Variants in FCRL2 observed in about 807,000 individuals in gnomAD.
FCRL2 encodes the protein Fc receptor-like protein 2.
In FCRL2, 48 loss-of-function variants were observed where a neutral mutation model predicts 59.8. The ratio of observed to expected loss-of-function variants is 0.80; its 90% CI spans 0.64 to 1.02. The LOEUF (loss-of-function observed/expected upper bound fraction) is 1.02, where lower values mean the gene tolerates loss of function less well. Among genes scored for constraint, FCRL2 ranks in the 50% least tolerant of loss-of-function variants. The pLI is 0.00. For synonymous variants in FCRL2, 251 were observed against 229.5 expected, an observed-to-expected ratio of 1.09 and a Z score of -0.85; for missense variants, 658 against 597.3, an observed-to-expected ratio of 1.10 and a Z score of -1.06.
At chr1:157,748,024 T>A (rs1328137743) in intron 10 of FCRL2, among the ~76,000 whole-genome samples, 1 of 152,304 alleles carries the variant, frequency 6.6e-6, no homozygotes, top group South Asian at 2.1e-4. Flanking sequence ...CACCCTATTT[T>A]TTTTTTTAAG....
Position 157,768,542 on chromosome 1 carries a change from G to A in FCRL2, c.755C>T (p.Thr252Ile). The A allele has an allele frequency of 1.2e-6, 2 of 1,614,186 alleles. No individual in the cohort carries two copies. Among genetic ancestry groups the A allele is most frequent in the South Asian group, 2.2e-5 (2 of 91,082 alleles). ...CAGCTCTGCTGACAGGGAACGCTGG[G>A]TTTTCTTTCCCATACTGGTTCCTGT... ...EATGTSMGKK[T>I]QRSLSAELEI... The change falls in exon 5 of 12, where the codon ACC becomes ATC. Residue 252 changes from threonine (T) to isoleucine (I), a missense_variant. Coordinates refer to ENST00000361516, the MANE Select transcript of FCRL2 (RefSeq NM_030764.4).
intron 7 of FCRL2, among the ~76,000 whole-genome samples, chr1:157,753,234 T>C (rs1181402403): frequency 2.0e-5 from 3 of 152,182 alleles, no homozygotes; most frequent in Non-Finnish European, 4.4e-5. Context: ...TCAGTCCTGA[T>C]ACTACTCAGA....
intron 7 of FCRL2, 87 bp downstream of exon 7, chr1:157,766,768 T>C (rs762218615): frequency 7.0e-6 from 11 of 1,574,998 alleles, no homozygotes; most frequent in Admixed American, 1.9e-5. Flanking sequence ...GAGTTTTCTT[T>C]TCTCTCTTCT....
intron 7 of FCRL2, among the ~76,000 whole-genome samples, chr1:157,764,821 A>G (rs931939240): frequency 7.2e-5 from 11 of 152,254 alleles, no homozygotes; most frequent in Non-Finnish European, 1.5e-4. Flanking sequence ...ACAGCAAAGT[A>G]GTGCTAAGAG....
chr1:157,752,533 A>G (rs1485769189), intron 7 of FCRL2, among the ~76,000 whole-genome samples: 1 of 152,252 alleles, frequency 6.6e-6, no homozygotes, highest in African/African-American at 2.4e-5. Flanking sequence ...AAGTGGATAG[A>G]CTATGGGCCT....
intron 7 of FCRL2, among the ~76,000 whole-genome samples, chr1:157,756,679 GAAA>G (rs5778046): frequency 2.2e-5 from 3 of 133,730 alleles, no homozygotes; most frequent in African/African-American, 5.5e-5. Context: ...ACTTTGTCTG[GAAA>G]AAAAAAAAAA....
intron 2 of FCRL2, 139 bp downstream of exon 2, chr1:157,775,636 C>T (rs1479785011): frequency 1.2e-6 from 1 of 847,294 alleles, no homozygotes; most frequent in East Asian, 2.7e-5. Flanking sequence ...GGCTGCGTGA[C>T]CTCAGAACAT....
intron 7 of FCRL2, among the ~76,000 whole-genome samples, chr1:157,751,117 TCAAA>T (rs1473513636): frequency 3.9e-5 from 6 of 151,982 alleles, no homozygotes; most frequent in Non-Finnish European, 7.4e-5. Context: ...TTCAAAAGAA[TCAAA>T]CTAACAAAAA....
intron 7 of FCRL2, among the ~76,000 whole-genome samples, chr1:157,764,674 T>C (rs1025111539): frequency 4.6e-5 from 7 of 152,184 alleles, no homozygotes; most frequent in Non-Finnish European, 7.3e-5. Flanking sequence ...AGATAAATTT[T>C]GAAAACCGTA....
At chr1:157,769,806 A>C in intron 4 of FCRL2, 60 bp downstream of exon 4, 1 of 1,553,606 alleles carries the variant, frequency 6.4e-7, no homozygotes. Context: ...CTAGTAGTCC[A>C]AGCTGAAGCT....
intron 7 of FCRL2, among the ~76,000 whole-genome samples, chr1:157,761,923 A>G (rs1040858512): frequency 7.2e-5 from 11 of 152,340 alleles, no homozygotes; most frequent in African/African-American, 2.6e-4. Flanking sequence ...CCAATCTTCT[A>G]CTAAGGACAA....
chr1:157,749,137 A>G (rs1368913239), intron 8 of FCRL2, among the ~76,000 whole-genome samples, 177 bp from the exon 9 acceptor site: 1 of 151,980 alleles, frequency 6.6e-6, no homozygotes, highest in African/African-American at 2.4e-5. Context: ...TCTGTTCCTT[A>G]TCTTTGGCTT....
Position 157,768,660 on chromosome 1 carries a change from C to CG in FCRL2, c.636dup (p.Gly213ArgfsTer6). 1.9e-6 allele frequency: 3 copies of CG among 1,613,818 alleles called. No individual in the cohort carries two copies. Among genetic ancestry groups the CG allele is most frequent in the Middle Eastern group, 1.7e-4 (1 of 6,056 alleles). ...TTTTGTCCTTCAGTCACCTGTCCCC[C>CG]GGGGGCCCGGATCTCCAAGCTTACA... On this transcript the variant is annotated frameshift_variant, in exon 5 of 12. Coordinates refer to ENST00000361516, the MANE Select transcript of FCRL2 (RefSeq NM_030764.4). LOFTEE classifies it high-confidence loss of function.
chr1:157,768,110 C>G (rs1258161807), intron 5 of FCRL2: 6 of 303,568 alleles, frequency 2.0e-5, no homozygotes, highest in Non-Finnish European at 3.6e-5. Flanking sequence ...CCACTATGAA[C>G]CTTTTAGATC....
Position 157,746,648 on chromosome 1 carries a change from A to G in FCRL2, c.*88T>C. 1 of 1,369,826 alleles carries G rather than the reference A, an allele frequency of 7.3e-7. No individual in the cohort carries two copies. Among genetic ancestry groups the G allele is most frequent in the Admixed American group, 1.7e-5 (1 of 57,166 alleles). 84.9% of individuals were successfully genotyped at this position (1,369,826 alleles called of 1,614,324 possible). A position where few individuals can be genotyped will look rare whatever the true frequency, so the allele number is the denominator to read the frequency against. ...CACGTTCTGGCTGTGGCAGGTGATAAGCCTCAAGCATTTTCATAAGGTTTT... is the reference window on the plus strand; with the variant it reads ...CACGTTCTGGCTGTGGCAGGTGATAGGCCTCAAGCATTTTCATAAGGTTTT... On this transcript the variant is annotated 3_prime_UTR_variant, in exon 12 of 12. Transcript: ENST00000361516.
intron 7 of FCRL2, among the ~76,000 whole-genome samples, chr1:157,760,269 A>G (rs199521621): frequency 6.6e-6 from 1 of 152,228 alleles, no homozygotes; most frequent in East Asian, 1.9e-4. Context: ...GAAGAGTACA[A>G]CAGATGCTGG....
intron 7 of FCRL2, among the ~76,000 whole-genome samples, chr1:157,760,536 G>GA (rs1648941806): frequency 6.6e-6 from 1 of 151,748 alleles, no homozygotes; most frequent in Non-Finnish European, 1.5e-5. Context: ...GCTGAGGCGA[G>GA]AAAATCGCTT....
chr1:157,769,966 A>G lies in FCRL2; in HGVS notation c.495T>C (p.Ser165=), dbSNP rs369463992. 4.3e-6 allele frequency: 7 copies of G among 1,614,098 alleles called. No individual in the cohort carries two copies. The highest frequency in any genetic ancestry group is 4.5e-5 in the East Asian group (2 of 44,888). The change falls in exon 4 of 12, where the codon TCT becomes TCC. Residue 165 remains serine (S), a synonymous_variant. Transcript: ENST00000361516. ...GWSSSPELQI[S]AVWSEDTGSY... ...ACCCTGTGTCTTCACTCCACACGGC[A>G]GAAATCTGGAGCTCCGGAGAGCTGC...
intron 1 of FCRL2, 142 bp downstream of exon 1, chr1:157,776,901 C>T (rs1650456972): frequency 4.0e-6 from 3 of 754,662 alleles, no homozygotes; most frequent in African/African-American, 3.5e-5. Context: ...TACTTCTTTG[C>T]ATCTGCCTTT....
Sources: gnomAD v4.1 joint callset for allele counts (sites outside exome capture counted in the v4.1 genomes callset) on GRCh38, gnomAD v4.1.1 for gene constraint, MANE v1.5 for transcripts, NCBI Gene and HGNC (gene_info 2026-07-23, HGNC 2026-07-21) for gene names.